VAV3: variants seen among roughly 807,000 people sequenced by gnomAD.
The protein encoded by VAV3 is guanine nucleotide exchange factor VAV3.
A neutral mutation model predicts 131.2 loss-of-function variants in VAV3; 94 were observed. The observed-to-expected ratio is 0.72, with a 90% CI of 0.61 to 0.85. The LOEUF is 0.85. Ranked by LOEUF, VAV3 falls within the 40% of genes least tolerant of loss-of-function variation. VAV3 has a pLI of 0.00. For missense variants in VAV3, 939 were observed against 1,002.7 expected (o/e 0.94, Z 0.86); for synonymous variants, 349 against 342.0 (o/e 1.02, Z -0.22).
At chr1:107,890,590 A>G (rs1671265458) in intron 1 of VAV3, among the ~76,000 whole-genome samples, 1 of 152,150 alleles carries the variant, frequency 6.6e-6, no homozygotes, top group Non-Finnish European at 1.5e-5. Context: ...GTGGGAAGAG[A>G]AAAATCTAAC....
chr1:107,592,138 G>T (rs939558950), intron 25 of VAV3, among the ~76,000 whole-genome samples: 9 of 151,992 alleles, frequency 5.9e-5, no homozygotes, highest in African/African-American at 2.2e-4. Flanking sequence ...ATATGTAGTT[G>T]TCACATCTCT....
intron 15 of VAV3, among the ~76,000 whole-genome samples, chr1:107,734,861 T>C (rs920540286): frequency 3.9e-5 from 6 of 152,168 alleles, no homozygotes; most frequent in Non-Finnish European, 5.9e-5. Flanking sequence ...GCAGACCTAA[T>C]AGACATCTAC....
At chr1:107,651,542 AAGGGAGGG>A (rs71098642) in intron 19 of VAV3, among the ~76,000 whole-genome samples, 5 of 132,662 alleles carry the variant, frequency 3.8e-5, no homozygotes, top group African/African-American at 5.6e-5. Flanking sequence ...CAAAGTAAGG[AAGGGAGGG>A]AGGGAGGGAG....
chr1:107,631,606 T>G (rs1232446654), intron 20 of VAV3, among the ~76,000 whole-genome samples: 2 of 148,646 alleles, frequency 1.3e-5, no homozygotes, highest in African/African-American at 4.9e-5. Context: ...TAGGTATATC[T>G]CCTAATGCTA....
intron 5 of VAV3, among the ~76,000 whole-genome samples, chr1:107,771,181 A>G (rs927897458): frequency 2.0e-5 from 3 of 152,090 alleles, no homozygotes; most frequent in Non-Finnish European, 4.4e-5. Flanking sequence ...ATTGGAAGTC[A>G]TAGAGCACAA....
intron 24 of VAV3, among the ~76,000 whole-genome samples, chr1:107,598,564 T>C (rs956837895): frequency 2.0e-5 from 3 of 152,190 alleles, no homozygotes; most frequent in Non-Finnish European, 2.9e-5. Flanking sequence ...TGGGTCCTTG[T>C]TGAAGCAAGA....
chr1:107,610,216 C>T (rs900149452), intron 21 of VAV3, among the ~76,000 whole-genome samples: 12 of 152,172 alleles, frequency 7.9e-5, no homozygotes, highest in South Asian at 2.1e-4. Flanking sequence ...AGATAGCAGG[C>T]GAATATGAAC....
At chr1:107,753,538 A>ATATACATATATATATATG (rs1557822128) in intron 12 of VAV3, among the ~76,000 whole-genome samples, 20 of 93,140 alleles carry the variant, frequency 2.1e-4, no homozygotes, top group African/African-American at 3.4e-4. Context: ...GTATATATAT[A>ATATACATATATATATATG]TATATATATA....
chr1:107,926,831 T>C (rs1342804278), intron 1 of VAV3, among the ~76,000 whole-genome samples: 2 of 152,258 alleles, frequency 1.3e-5, no homozygotes, highest in South Asian at 2.1e-4. Flanking sequence ...CAGGCTAAAG[T>C]GCTCTAGGGC....
intron 1 of VAV3, among the ~76,000 whole-genome samples, chr1:107,957,613 T>C (rs1043857609): frequency 6.6e-6 from 1 of 151,862 alleles, no homozygotes; most frequent in Non-Finnish European, 1.5e-5. Context: ...TTAAGATATG[T>C]TTCAATAAAG....
chr1:107,913,652 CATA>C lies in VAV3; in HGVS notation c.205-38638_205-38636del, dbSNP rs904184709. ...CAAAATAATCTCTCTTTCTCAAAAT[CATA>C]ATATTTGCATTCTCCAGCCCAATGC... On this transcript the variant is annotated intron_variant, in intron 1 of 26. Transcript: ENST00000370056. Among the ~76,000 whole-genome samples, 10 of 152,176 alleles carry C rather than the reference CATA, an allele frequency of 6.6e-5. 1 individual carries two copies. Among genetic ancestry groups the C allele is most frequent in the Admixed American group, 5.9e-4 (9 of 15,288 alleles).
chr1:107,859,351 C>T (rs567581284), intron 2 of VAV3, among the ~76,000 whole-genome samples: 3 of 152,186 alleles, frequency 2.0e-5, no homozygotes, highest in Admixed American at 6.6e-5. Context: ...AGATTATAGA[C>T]GTTGAGCCAG....
At chr1:107,606,766 GT>G (rs778980876) in intron 22 of VAV3, among the ~76,000 whole-genome samples, 1 of 121,802 alleles carries the variant, frequency 8.2e-6, no homozygotes, top group Non-Finnish European at 1.7e-5. Flanking sequence ...GTAAATAAAA[GT>G]TTTTTTAAGG....
chr1:107,864,599 G>A (rs1196011745), intron 2 of VAV3, among the ~76,000 whole-genome samples: 1 of 152,202 alleles, frequency 6.6e-6, no homozygotes, highest in Non-Finnish European at 1.5e-5. Context: ...CTCCAGCCTA[G>A]GCATGGAGGG....
intron 2 of VAV3, among the ~76,000 whole-genome samples, chr1:107,809,999 TATAA>T (rs1212378839): frequency 1.3e-5 from 2 of 152,246 alleles, no homozygotes; most frequent in Non-Finnish European, 2.9e-5. Context: ...CATTTTCAGT[TATAA>T]ATGTTTCTAG....
At chr1:107,845,059 C>T (rs746922490) in intron 2 of VAV3, among the ~76,000 whole-genome samples, 15 of 152,138 alleles carry the variant, frequency 9.9e-5, no homozygotes, top group East Asian at 5.8e-4. Context: ...TGGAGAGCTC[C>T]GGCTGGCATC....
intron 1 of VAV3, among the ~76,000 whole-genome samples, chr1:107,909,011 T>G (rs951076214): frequency 6.6e-6 from 1 of 152,192 alleles, no homozygotes; most frequent in Non-Finnish European, 1.5e-5. Context: ...CTTTACATCC[T>G]GTTAAAGACA....
At chr1:107,642,990 C>G (rs865845335) in intron 19 of VAV3, among the ~76,000 whole-genome samples, 1 of 152,132 alleles carries the variant, frequency 6.6e-6, no homozygotes. Context: ...CTCTCCCTTA[C>G]CATCAATCTC....
intron 25 of VAV3, among the ~76,000 whole-genome samples, chr1:107,579,712 A>G (rs555122239): frequency 2.0e-5 from 3 of 152,298 alleles, no homozygotes; most frequent in Admixed American, 6.5e-5. Flanking sequence ...AAAGTCTATC[A>G]TGCTATTTGC....
Sources: gnomAD v4.1 joint callset for allele counts (sites outside exome capture counted in the v4.1 genomes callset) on GRCh38, gnomAD v4.1.1 for gene constraint, MANE v1.5 for transcripts, NCBI Gene and HGNC (gene_info 2026-07-23, HGNC 2026-07-21) for gene names.